Variants in AKT1 observed in about 807,000 individuals in gnomAD.
AKT1 encodes AKT serine/threonine kinase 1, also known as RAC-alpha serine/threonine-protein kinase.
Under a neutral mutation model 63.1 loss-of-function variants are expected in AKT1, and 21 were observed. That is an observed-to-expected ratio of 0.33 (90% CI 0.24 to 0.48). The LOEUF (loss-of-function observed/expected upper bound fraction) is 0.48. Ranked by LOEUF, AKT1 falls within the 20% of genes least tolerant of loss-of-function variation. The pLI is 0.99. For missense variants in AKT1, 382 were observed against 666.0 expected, an observed-to-expected ratio of 0.57 and a Z score of 4.69; for synonymous variants, 257 against 253.1, an observed-to-expected ratio of 1.02 and a Z score of -0.15.
At chr14:104,791,180 A>G (rs984675738) in intron 3 of AKT1, among the ~76,000 whole-genome samples, 7 of 152,072 alleles carry the variant, frequency 4.6e-5, no homozygotes, top group Admixed American at 6.5e-5. Flanking sequence ...CAACAAACAC[A>G]CATTTGCCAA....
At chr14:104,771,058 C>T in intron 13 of AKT1, 2 of 570,678 alleles carry the variant, frequency 3.5e-6, no homozygotes, top group Non-Finnish European at 6.2e-6. Context: ...CAACCCTCAA[C>T]AGCTGAGACG....
chr14:104,777,661 G>C (rs961353858), intron 4 of AKT1: 1 of 986,376 alleles, frequency 1.0e-6, no homozygotes, highest in Non-Finnish European at 1.2e-6. Context: ...GTGTGTAGCC[G>C]CTGGGGCTCC....
intron 9 of AKT1, 100 bp downstream of exon 9, chr14:104,773,812 T>G: frequency 7.6e-7 from 1 of 1,323,724 alleles, no homozygotes; most frequent in Admixed American, 2.0e-5. Context: ...GGGAGCACCG[T>G]CTGGTGCCAT....
Position 104,771,043 on chromosome 14 carries a change from G to A in AKT1, c.1261-196C>T, listed in dbSNP as rs118098425. ...AGGGACATGAGGGGTGCAGGAGCAC[G>A]GAGACAACCCTCAACAGCTGAGACG... On this transcript the variant is annotated intron_variant, in intron 13 of 14. Coordinates refer to ENST00000649815, the MANE Select transcript of AKT1 (RefSeq NM_001382430.1). 0.014 allele frequency: 8,134 copies of A among 589,898 alleles called. 82 individuals are homozygous for A. The highest frequency in any genetic ancestry group is 0.025 in the South Asian group (1,215 of 48,322). 36.5% of individuals were successfully genotyped at this position (589,898 alleles called of 1,614,324 possible). A position where few individuals can be genotyped will look rare whatever the true frequency, so the allele number is the denominator to read the frequency against.
intron 13 of AKT1, chr14:104,771,181 T>C (rs776942425): frequency 2.5e-5 from 8 of 322,252 alleles, no homozygotes; most frequent in Non-Finnish European, 3.5e-5. Context: ...TTTTCTTTCT[T>C]GTTTTCTTAT....
intron 3 of AKT1, among the ~76,000 whole-genome samples, chr14:104,789,024 C>T (rs1893487484): frequency 6.6e-6 from 1 of 152,228 alleles, no homozygotes; most frequent in Admixed American, 6.5e-5. Context: ...GCGTAACCCA[C>T]GCGCCCCAGG....
intron 3 of AKT1, among the ~76,000 whole-genome samples, chr14:104,788,456 C>T (rs1893447874): frequency 6.6e-6 from 1 of 152,342 alleles, no homozygotes; most frequent in Non-Finnish European, 1.5e-5. Context: ...GAGTCCCCCA[C>T]AGACCTCTTC....
intron 3 of AKT1, among the ~76,000 whole-genome samples, chr14:104,783,887 C>T (rs1039485106): frequency 1.8e-4 from 27 of 152,236 alleles, no homozygotes; most frequent in South Asian, 2.1e-4. Flanking sequence ...GCAGGGAAGA[C>T]GGCTAGGTGC....
At chr14:104,772,125 C>A in intron 13 of AKT1, 1 of 589,732 alleles carries the variant, frequency 1.7e-6, no homozygotes, top group Non-Finnish European at 3.0e-6. Context: ...TGTGACACAC[C>A]TCCGAGGGGA....
At position 104,775,078 on chromosome 14, in the gene AKT1, T is replaced by G; in HGVS notation, c.565A>C (p.Lys189Gln). 1 of 1,613,912 alleles carries G rather than the reference T, an allele frequency of 6.2e-7. No homozygotes were observed. Among genetic ancestry groups the G allele is most frequent in the African/African-American group, 1.3e-5 (1 of 75,032 alleles). The part of the protein sequence containing the change: ...KILKKEVIVA[K>Q]DEVAHTLTEN... ...CTGCCCCACCGCCCCGGCCCCACCT[T>G]GGCCACGATGACTTCCTTCTTGAGG... Residue 189 changes from lysine (K) to glutamine (Q), a missense_variant and splice_region_variant, in exon 7 of 15, where the codon AAG becomes CAG. Physicochemically the swap from Lys to Gln is moderately conservative, Grantham distance 53. Transcript: ENST00000649815.
chr14:104,771,282 G>A (rs1892372955), intron 13 of AKT1: 1 of 262,250 alleles, frequency 3.8e-6, no homozygotes, highest in Non-Finnish European at 7.4e-6. Context: ...ATGGCTCAGG[G>A]ACTACAGGAC....
chr14:104,781,552 G>T (rs1421244601), intron 3 of AKT1, among the ~76,000 whole-genome samples: 4 of 152,134 alleles, frequency 2.6e-5, no homozygotes, highest in Non-Finnish European at 2.9e-5. Context: ...TAATAGAGGT[G>T]AGCCACCAAG....
intron 3 of AKT1, among the ~76,000 whole-genome samples, chr14:104,790,945 G>A (rs1843216364): frequency 6.6e-6 from 1 of 152,162 alleles, no homozygotes; most frequent in South Asian, 2.1e-4. Context: ...GCTAACCAGG[G>A]TTCAAACTCA....
At chr14:104,789,959 GAAC>G (rs1312524564) in intron 3 of AKT1, among the ~76,000 whole-genome samples, 14 of 152,166 alleles carry the variant, frequency 9.2e-5, no homozygotes, top group Admixed American at 1.3e-4. Flanking sequence ...ACACACATCA[GAAC>G]AACAGAAAGC....
At chr14:104,772,564 A>G in intron 12 of AKT1, 112 bp from the exon 13 acceptor site, 1 of 1,071,720 alleles carries the variant, frequency 9.3e-7, no homozygotes, top group Non-Finnish European at 1.4e-6. Flanking sequence ...TTCCGGGGCC[A>G]GGGAGGGGAG....
chr14:104,788,410 G>A lies in AKT1; in HGVS notation c.46+4188C>T, dbSNP rs993102777. 2.0e-5 allele frequency among the ~76,000 whole-genome samples: 3 copies of A among 152,180 alleles called. No homozygotes were observed. The South Asian group carries it at 6.2e-4, about 32-fold the overall frequency. On this transcript the variant is annotated intron_variant, in intron 3 of 14. Transcript: ENST00000649815. ...TGCACACAAACAATTAGCCCTGCGG[G>A]GCCCTCCGCAGCAGCTGCTCTCTGG...
Position 104,777,475 on chromosome 14 carries a change from C to T in AKT1, c.176-705G>A. ...CAGACATCTAGAACACATCTAGACA[C>T]CTAGCCACATCTGGGGCACACGAAC... On this transcript the variant is annotated intron_variant, in intron 4 of 14. Transcript: ENST00000649815. 3 of 912,278 alleles carry T rather than the reference C, an allele frequency of 3.3e-6. No individual in the cohort carries two copies. In the South Asian group the frequency reaches 1.3e-4, roughly 41 times the overall value. The allele number at this position is 912,278 out of a possible 1,614,324, so 56.5% of individuals were successfully genotyped here. A position where few individuals can be genotyped will look rare whatever the true frequency, so the allele number is the denominator to read the frequency against.
At chr14:104,777,750 G>A (rs944179400) in intron 4 of AKT1, 9 of 985,446 alleles carry the variant, frequency 9.1e-6, no homozygotes, top group African/African-American at 3.5e-5. Context: ...TTCCAGCATC[G>A]AGGCCCTGGC....
In AKT1 at chr14:104,770,128, ATAAAT is replaced by A; in HGVS notation, c.*208_*212del. 1.6e-6 allele frequency: 1 copy of A among 606,380 alleles called. No homozygotes were observed. Among genetic ancestry groups the A allele is most frequent in the South Asian group, 1.9e-5 (1 of 51,448 alleles). The allele number at this position is 606,380 out of a possible 1,614,324, so 37.6% of individuals were successfully genotyped here. A position where few individuals can be genotyped will look rare whatever the true frequency, so the allele number is the denominator to read the frequency against. The stretch of plus-strand genomic sequence containing the variant: ...ACACCCGGAGAACAAACTGGATGAA[ATAAAT>A]TAAAACCCGCAGGATAGTTTTCTTC... On this transcript the variant is annotated 3_prime_UTR_variant, in exon 15 of 15. Transcript: ENST00000649815.
Sources: allele counts gnomAD v4.1 joint callset (sites outside exome capture counted in the v4.1 genomes callset), GRCh38; gene constraint gnomAD v4.1.1; transcripts MANE v1.5; gene names NCBI Gene and HGNC (gene_info 2026-07-23, HGNC 2026-07-21).